Variants in LRRC8B observed in about 807,000 individuals in gnomAD.
LRRC8B encodes the protein volume-regulated anion channel subunit LRRC8B.
In LRRC8B, 23 loss-of-function variants were observed where a neutral mutation model predicts 58.8. That is an observed-to-expected ratio of 0.39 (90% confidence interval 0.28 to 0.55). The LOEUF (loss-of-function observed/expected upper bound fraction) is 0.55, where lower values mean the gene tolerates loss of function less well. LRRC8B is among the 20% of genes least tolerant of loss of function. The pLI, the probability that LRRC8B is intolerant of heterozygous loss-of-function variation, is 0.62. For synonymous variants in LRRC8B, 359 were observed against 374.1 expected (o/e 0.96, Z 0.47); for missense variants, 694 against 936.0 (o/e 0.74, Z 3.37).
Position 89,584,630 on chromosome 1 carries a change from G to A in LRRC8B, c.1980G>A (p.Gln660=). 6.2e-7 allele frequency: 1 copy of A among 1,614,060 alleles called. No individual in the cohort carries two copies. Among genetic ancestry groups the A allele is most frequent in the Non-Finnish European group, 8.5e-7 (1 of 1,180,030 alleles). ...TTGGGGCATTATCTAACCTAGAGCA[G>A]CTCTCTTTGGACCATAATAATATTG... The part of the protein sequence containing the change: ...AQIGALSNLE[Q]LSLDHNNIEN... Residue 660 remains glutamine, a synonymous_variant, in exon 5 of 6, where the codon CAG becomes CAA. Transcript: ENST00000330947.
intron 1 of LRRC8B, among the ~76,000 whole-genome samples, chr1:89,537,144 G>A (rs1355704908): frequency 6.6e-6 from 1 of 152,142 alleles, no homozygotes; most frequent in African/African-American, 2.4e-5. Context: ...ATTGAAATGT[G>A]TAAGTAACAC....
chr1:89,537,205 G>A (rs902156653), intron 1 of LRRC8B, among the ~76,000 whole-genome samples: 5 of 152,184 alleles, frequency 3.3e-5, no homozygotes, highest in African/African-American at 1.2e-4. Flanking sequence ...GTGGCACTAC[G>A]ATCATGCTAT....
chr1:89,552,356 C>T (rs1035741724), intron 1 of LRRC8B, among the ~76,000 whole-genome samples: 4 of 151,826 alleles, frequency 2.6e-5, no homozygotes, highest in African/African-American at 9.7e-5. Context: ...GTAATGGAGC[C>T]CAGAAATTCA....
rs1655182740 is a variant in LRRC8B, at chr1:89,594,418, A to C, written c.*1375A>C. ...GTGCAATCGTACGGGTAAAATTCTT[A>C]ATTACTTACAAAAACTGTGATAGAG... On this transcript the variant is annotated 3_prime_UTR_variant, in exon 6 of 6. Transcript: ENST00000330947. 1 of 152,144 alleles carries C rather than the reference A, an allele frequency of 6.6e-6. No homozygotes were observed. The highest frequency in any genetic ancestry group is 6.5e-5 in the Admixed American group (1 of 15,274). 9.4% of individuals were successfully genotyped at this position (152,144 alleles called of 1,614,324 possible).
intron 3 of LRRC8B, among the ~76,000 whole-genome samples, chr1:89,578,309 C>T (rs535102552): frequency 6.6e-4 from 100 of 152,172 alleles, no homozygotes; most frequent in African/African-American, 2.3e-3. Flanking sequence ...CAAATGCAGC[C>T]GCTATGGAAG....
At chr1:89,532,458 C>T (rs1005535323) in intron 1 of LRRC8B, among the ~76,000 whole-genome samples, 3 of 152,190 alleles carry the variant, frequency 2.0e-5, no homozygotes, top group Non-Finnish European at 4.4e-5. Context: ...CCCCACGTGT[C>T]GTGGGAGGGA....
chr1:89,524,945 G>A lies in LRRC8B; in HGVS notation c.-318G>A, dbSNP rs1161880718. On this transcript the variant is annotated 5_prime_UTR_variant, in exon 1 of 6. Transcript: ENST00000330947. The stretch of plus-strand genomic sequence containing the variant: ...CGGCAGCCGGGAAAGTGCGGGCGCG[G>A]GGCCGCAGCCTGCCCGCCCGGAGCG... The A allele has an allele frequency of 6.6e-6, 1 of 152,210 alleles. No individual in the cohort carries two copies. Among genetic ancestry groups the A allele is most frequent in the African/African-American group, 2.4e-5 (1 of 41,436 alleles). The allele number at this position is 152,210 out of a possible 1,614,324, so 9.4% of individuals were successfully genotyped here. A position where few individuals can be genotyped will look rare whatever the true frequency, so the allele number is the denominator to read the frequency against.
intron 1 of LRRC8B, among the ~76,000 whole-genome samples, chr1:89,548,753 A>G (rs1651594030): frequency 6.6e-6 from 1 of 152,152 alleles, no homozygotes; most frequent in African/African-American, 2.4e-5. Context: ...TCCTCATAAG[A>G]CAGAGCTGGA....
chr1:89,546,642 T>C (rs1171222101), intron 1 of LRRC8B, among the ~76,000 whole-genome samples: 1 of 152,180 alleles, frequency 6.6e-6, no homozygotes, highest in Non-Finnish European at 1.5e-5. Context: ...ATTAAACACA[T>C]TGCTGTGATT....
rs1274410523 is a variant in LRRC8B at position 89,542,584 on chromosome 1, T to C, written c.-241+17562T>C. Reference sequence around the variant, plus strand: ...CCATGGAGCTAAGCTACTTTTTATTTTTCTCAGAGATCTCTTTGAAGAATA... The same window carrying C: ...CCATGGAGCTAAGCTACTTTTTATTCTTCTCAGAGATCTCTTTGAAGAATA... On this transcript the variant is annotated intron_variant, in intron 1 of 5. Transcript: ENST00000330947. Among the ~76,000 whole-genome samples, 3 of 152,324 alleles carry C rather than the reference T, an allele frequency of 2.0e-5. No homozygotes were observed. The South Asian group carries it at 6.2e-4, about 32-fold the overall frequency.
chr1:89,537,029 A>C (rs1650587330), intron 1 of LRRC8B, among the ~76,000 whole-genome samples: 1 of 152,220 alleles, frequency 6.6e-6, no homozygotes, highest in Non-Finnish European at 1.5e-5. Flanking sequence ...CTGGTAAGAT[A>C]CTAAGATTGA....
In LRRC8B at chr1:89,573,095, T is replaced by C. The variant is rs187810898; in HGVS notation, c.-125+4602T>C. 5.5e-3 allele frequency among the ~76,000 whole-genome samples: 839 copies of C among 152,154 alleles called. 9 individuals carry two copies. Among genetic ancestry groups the C allele is most frequent in the African/African-American group, 0.018 (753 of 41,508 alleles). On this transcript the variant is annotated intron_variant, in intron 3 of 5. Coordinates refer to ENST00000330947, the MANE Select transcript of LRRC8B (RefSeq NM_001369817.2). ...GTGGGCGGATCACGAGGTCAGGAGA[T>C]CGAGACCATCCTAGCTAACATGGTG...
At chr1:89,538,876 A>G (rs1650740558) in intron 1 of LRRC8B, among the ~76,000 whole-genome samples, 1 of 151,944 alleles carries the variant, frequency 6.6e-6, no homozygotes, top group South Asian at 2.1e-4. Context: ...ACCCACCACC[A>G]CACCCGGCTA....
At chr1:89,532,161 A>C (rs1169334836) in intron 1 of LRRC8B, among the ~76,000 whole-genome samples, 2 of 152,042 alleles carry the variant, frequency 1.3e-5, no homozygotes, top group African/African-American at 2.4e-5. Flanking sequence ...TTCCCTGGCC[A>C]CCTTAGGTAA....
intron 1 of LRRC8B, among the ~76,000 whole-genome samples, chr1:89,528,531 T>G (rs12406296): frequency 0.23 from 35,093 of 152,234 alleles, 4,529 homozygotes; most frequent in Admixed American, 0.34. Flanking sequence ...GATTCTGAAC[T>G]CTGTGCCATC....
At position 89,582,430 on chromosome 1, in the gene LRRC8B, T is replaced by C. The variant is rs532596067; in HGVS notation, c.-26-195T>C. 8.5e-5 allele frequency among the ~76,000 whole-genome samples: 13 copies of C among 152,296 alleles called. 1 individual carries two copies. In the East Asian group the frequency reaches 1.5e-3, roughly 18 times the overall value. On this transcript the variant is annotated intron_variant, in intron 4 of 5. Coordinates refer to ENST00000330947, the MANE Select transcript of LRRC8B (RefSeq NM_001369817.2). ...AAATGGTCCCCCATCTAAGAGACTA[T>C]GGTTCAGAGTTGGATGGCCTATAGT...
chr1:89,557,738 C>T (rs187907054), intron 1 of LRRC8B, among the ~76,000 whole-genome samples: 1 of 152,308 alleles, frequency 6.6e-6, no homozygotes, highest in African/African-American at 2.4e-5. Context: ...TAAAAGTTTC[C>T]TAATTTTTAT....
In LRRC8B at chr1:89,583,196, A is replaced by G; in HGVS notation, c.546A>G (p.Lys182=). The G allele has an allele frequency of 9.9e-6, 16 of 1,613,912 alleles. No individual in the cohort carries two copies. The highest frequency in any genetic ancestry group is 1.7e-5 in the Admixed American group (1 of 59,988). The change falls in exon 5 of 6, where the codon AAA becomes AAG. Residue 182 remains lysine, a synonymous_variant. Transcript: ENST00000330947. This position sits in a 1 kb window ranked among gnomAD's most constrained non-coding sequence, Gnocchi z 5.2. The part of the protein sequence containing the change: ...TVAEQSVRPL[K]LSKSKILLSS... ...CTGAGCAGTCAGTGAGGCCTCTGAA[A>G]CTCTCCAAGTCCAAGATTTTGCTTT...
intron 1 of LRRC8B, chr1:89,526,906 T>C (rs1004984789): frequency 6.6e-6 from 1 of 152,248 alleles, no homozygotes; most frequent in African/African-American, 2.4e-5. Flanking sequence ...AGATTTGCTT[T>C]TTTAAACCTC....
Sources: allele counts gnomAD v4.1 joint callset (sites outside exome capture counted in the v4.1 genomes callset), GRCh38; gene constraint gnomAD v4.1.1; non-coding constraint Gnocchi (gnomAD v3.1); transcripts MANE v1.5; gene names NCBI Gene and HGNC (gene_info 2026-07-23, HGNC 2026-07-21).